Variants in TMPRSS15 observed in about 807,000 individuals in gnomAD.
TMPRSS15 encodes enteropeptidase.
A neutral mutation model predicts 125.3 loss-of-function variants in TMPRSS15; 128 were observed. The observed-to-expected ratio is 1.02, with a 90% CI of 0.89 to 1.18. The LOEUF is 1.18. Ranked by LOEUF, TMPRSS15 falls within the 50% of genes most tolerant of loss-of-function variation. TMPRSS15 has a pLI of 0.00. For missense variants in TMPRSS15, 1,283 were observed against 1,212.7 expected, an observed-to-expected ratio of 1.06 and a Z score of -0.86; for synonymous variants, 446 against 423.2, an observed-to-expected ratio of 1.05 and a Z score of -0.66.
chr21:18,456,373 G>A (rs1006814160), intron 1 of TMPRSS15, among the ~76,000 whole-genome samples: 5 of 151,998 alleles, frequency 3.3e-5, no homozygotes, highest in African/African-American at 9.7e-5. Flanking sequence ...TACTCGCATA[G>A]GTTCTTAAGT....
intron 1 of TMPRSS15, among the ~76,000 whole-genome samples, chr21:18,455,413 G>T (rs547564754): frequency 2.4e-4 from 37 of 152,172 alleles, no homozygotes; most frequent in Admixed American, 5.2e-4. Context: ...CATTACACAG[G>T]TTCTAGGTAT....
intron 2 of TMPRSS15, 42 bp from the exon 3 acceptor site, chr21:18,397,988 G>T: frequency 1.5e-6 from 2 of 1,349,392 alleles, no homozygotes; most frequent in South Asian, 1.3e-5. Context: ...CTAAATTTAG[G>T]ATTTTAACTT....
chr21:18,482,703 T>C (rs1264214018), intron 1 of TMPRSS15, among the ~76,000 whole-genome samples: 1 of 151,766 alleles, frequency 6.6e-6, no homozygotes. Flanking sequence ...AAATATTTTG[T>C]GTGATTTTTT....
At chr21:18,441,373 G>A (rs981789679) in intron 1 of TMPRSS15, among the ~76,000 whole-genome samples, 17 of 151,886 alleles carry the variant, frequency 1.1e-4, no homozygotes, top group Non-Finnish European at 1.9e-4. Context: ...TTGGGAGGCC[G>A]AGGCAGGCAG....
chr21:18,395,398 G>A lies in TMPRSS15; in HGVS notation c.344+2481C>T, dbSNP rs748735847. Among the ~76,000 whole-genome samples, 13 of 152,076 alleles carry A rather than the reference G, an allele frequency of 8.5e-5. 1 individual carries two copies. The highest frequency in any genetic ancestry group is 4.1e-4 in the South Asian group (2 of 4,830). On this transcript the variant is annotated intron_variant, in intron 3 of 24. Transcript: ENST00000284885. ...TCTGAACCACACATTAATAATTCAC[G>A]ACAGACTGATAATCTAAAACTTCAC...
At chr21:18,431,090 T>G (rs1386074563) in intron 1 of TMPRSS15, among the ~76,000 whole-genome samples, 1 of 152,122 alleles carries the variant, frequency 6.6e-6, no homozygotes, top group Non-Finnish European at 1.5e-5. Flanking sequence ...ATTAGCAAAT[T>G]GTCCAGATCA....
chr21:18,385,952 C>A (rs1166280413), intron 3 of TMPRSS15, among the ~76,000 whole-genome samples: 44 of 152,012 alleles, frequency 2.9e-4, no homozygotes, highest in Non-Finnish European at 2.9e-5. Flanking sequence ...ACCATGTTGG[C>A]CAGGATGGTC....
rs752544742 is a variant in TMPRSS15 at position 18,269,967 on chromosome 21, C to A, written c.*2G>T. Reference sequence around the variant, plus strand: ...ACTTTCCTGTTTAGTTTAAGAAATGCGCTAATGTAGAAAACTTTGTATCCA... The same window carrying A: ...ACTTTCCTGTTTAGTTTAAGAAATGAGCTAATGTAGAAAACTTTGTATCCA... On this transcript the variant is annotated 3_prime_UTR_variant, in exon 25 of 25. Coordinates refer to ENST00000284885, the MANE Select transcript of TMPRSS15 (RefSeq NM_002772.3). 13 of 1,613,378 alleles carry A rather than the reference C, an allele frequency of 8.1e-6. No homozygotes were observed. Among genetic ancestry groups the A allele is most frequent in the Middle Eastern group, 1.6e-4 (1 of 6,084 alleles).
intron 10 of TMPRSS15, among the ~76,000 whole-genome samples, chr21:18,352,074 G>GTTTT (rs147684081): frequency 2.6e-5 from 4 of 151,370 alleles, no homozygotes; most frequent in African/African-American, 9.7e-5. Context: ...ACTTTTCACT[G>GTTTT]TTTTTTTGTA....
chr21:18,400,887 A>G (rs1369442249), intron 1 of TMPRSS15, among the ~76,000 whole-genome samples: 2 of 152,186 alleles, frequency 1.3e-5, no homozygotes, highest in East Asian at 3.8e-4. Flanking sequence ...CACAAACAAA[A>G]AACAAATAAA....
At chr21:18,441,660 A>ATAT (rs2076242016) in intron 1 of TMPRSS15, among the ~76,000 whole-genome samples, 1 of 129,002 alleles carries the variant, frequency 7.8e-6, no homozygotes, top group African/African-American at 3.1e-5. Flanking sequence ...ACTTTAGGAC[A>ATAT]CATTATTATT....
At position 18,315,138 on chromosome 21, in the gene TMPRSS15, A is replaced by G. The variant is rs890915620; in HGVS notation, c.2032+8T>C. On this transcript the variant is annotated splice_region_variant and intron_variant, in intron 17 of 24. Coordinates refer to ENST00000284885, the MANE Select transcript of TMPRSS15 (RefSeq NM_002772.3). ...TCATAAAAGTATTTTCCTAAAAATA[A>G]GACATACCACAATCTGCTTCATCTG... 2.0e-5 allele frequency: 32 copies of G among 1,606,484 alleles called. No homozygotes were observed. The highest frequency in any genetic ancestry group is 2.6e-5 in the Non-Finnish European group (31 of 1,174,160).
At chr21:18,275,826 A>G (rs2074613216) in intron 23 of TMPRSS15, among the ~76,000 whole-genome samples, 1 of 152,228 alleles carries the variant, frequency 6.6e-6, no homozygotes, top group Non-Finnish European at 1.5e-5. Context: ...CAGATGAACT[A>G]TGCCCTGGTC....
At chr21:18,359,480 G>C (rs1448883233) in intron 8 of TMPRSS15, among the ~76,000 whole-genome samples, 1 of 151,872 alleles carries the variant, frequency 6.6e-6, no homozygotes, top group Non-Finnish European at 1.5e-5. Flanking sequence ...AACAATGTAT[G>C]GTAACCAAAT....
intron 1 of TMPRSS15, among the ~76,000 whole-genome samples, chr21:18,480,933 A>G (rs935498482): frequency 6.6e-6 from 1 of 151,874 alleles, no homozygotes; most frequent in Non-Finnish European, 1.5e-5. Context: ...AGCATAATGA[A>G]AGAGCAAAAG....
intron 16 of TMPRSS15, among the ~76,000 whole-genome samples, chr21:18,317,055 T>C (rs930379085): frequency 2.6e-5 from 4 of 152,212 alleles, no homozygotes; most frequent in Non-Finnish European, 4.4e-5. Flanking sequence ...TTGAAAACTA[T>C]TAGTGACTAT....
intron 24 of TMPRSS15, among the ~76,000 whole-genome samples, chr21:18,274,959 A>T (rs558880539): frequency 2.0e-5 from 3 of 152,320 alleles, no homozygotes; most frequent in Non-Finnish European, 4.4e-5. Flanking sequence ...CACACATTCA[A>T]GTATTATGTC....
chr21:18,400,867 T>G (rs2076088358), intron 1 of TMPRSS15, among the ~76,000 whole-genome samples: 1 of 152,050 alleles, frequency 6.6e-6, no homozygotes, highest in African/African-American at 2.4e-5. Context: ...ATAAGGATCT[T>G]AAATAATTGC....
intron 18 of TMPRSS15, among the ~76,000 whole-genome samples, chr21:18,298,265 G>T (rs560505314): frequency 1.3e-4 from 19 of 151,836 alleles, no homozygotes; most frequent in Admixed American, 1.0e-3. Flanking sequence ...CTTTTTTTTG[G>T]CTCATCTTTT....
Sources: gnomAD v4.1 joint callset for allele counts (sites outside exome capture counted in the v4.1 genomes callset) on GRCh38, gnomAD v4.1.1 for gene constraint, MANE v1.5 for transcripts, NCBI Gene and HGNC (gene_info 2026-07-23, HGNC 2026-07-21) for gene names.